SLC26A3: variants seen among roughly 807,000 people sequenced by gnomAD.
SLC26A3 encodes the protein chloride anion exchanger.
In SLC26A3, 64 loss-of-function variants were observed where a neutral mutation model predicts 85.6. That is an observed-to-expected ratio of 0.75 (90% CI 0.61 to 0.92). The LOEUF (loss-of-function observed/expected upper bound fraction) is 0.92, where lower values mean the gene tolerates loss of function less well. Ranked by LOEUF, SLC26A3 falls within the 40% of genes least tolerant of loss-of-function variation. SLC26A3 has a pLI of 0.00. For missense variants in SLC26A3, 922 were observed against 927.3 expected, an observed-to-expected ratio of 0.99 and a Z score of 0.07; for synonymous variants, 349 against 336.0, an observed-to-expected ratio of 1.04 and a Z score of -0.42.
intron 15 of SLC26A3, 72 bp from the exon 16 acceptor site, chr7:107,774,944 T>G: frequency 1.8e-6 from 2 of 1,127,458 alleles, no homozygotes; most frequent in South Asian, 1.2e-5. Context: ...TCTAACAACT[T>G]TAACTGGAGT....
chr7:107,792,355 C>A (rs1460765158), intron 3 of SLC26A3, among the ~76,000 whole-genome samples: 1 of 151,646 alleles, frequency 6.6e-6, no homozygotes, highest in African/African-American at 2.4e-5. Context: ...TACAATTCAC[C>A]ATAATGTAGA....
intron 8 of SLC26A3, 22 bp downstream of exon 8, chr7:107,786,805 C>T: frequency 6.3e-7 from 1 of 1,592,948 alleles, no homozygotes; most frequent in Non-Finnish European, 8.6e-7. Context: ...CATGGTGATG[C>T]CATCATCGAA....
intron 11 of SLC26A3, among the ~76,000 whole-genome samples, chr7:107,782,075 C>T (rs1419540253): frequency 6.6e-6 from 1 of 152,072 alleles, no homozygotes; most frequent in Non-Finnish European, 1.5e-5. Flanking sequence ...CCCAAAATCA[C>T]ACAGATAATA....
chr7:107,781,313 C>T (rs192451257), intron 11 of SLC26A3, among the ~76,000 whole-genome samples: 2 of 152,196 alleles, frequency 1.3e-5, no homozygotes, highest in East Asian at 3.9e-4. Context: ...GTTATTTTGC[C>T]TTCATATGAT....
chr7:107,793,944 G>C, intron 2 of SLC26A3, 63 bp from the exon 3 acceptor site: 1 of 1,606,744 alleles, frequency 6.2e-7, no homozygotes, highest in Non-Finnish European at 8.5e-7. Context: ...AGTACCTGTC[G>C]GTGGGAAATT....
At chr7:107,787,279 C>T (rs1794313204) in intron 7 of SLC26A3, 78 bp downstream of exon 7, 1 of 1,517,948 alleles carries the variant, frequency 6.6e-7, no homozygotes, top group East Asian at 2.3e-5. Flanking sequence ...CTAAAACTTC[C>T]TGAGCTACAA....
chr7:107,801,411 A>C (rs6975731), intron 1 of SLC26A3, among the ~76,000 whole-genome samples: 8,463 of 152,166 alleles, frequency 0.056, 291 homozygotes, highest in Middle Eastern at 0.099. Context: ...AACACAAAAC[A>C]TGAGCCTGGT....
intron 1 of SLC26A3, among the ~76,000 whole-genome samples, chr7:107,800,105 C>T (rs1417841234): frequency 1.3e-5 from 2 of 152,202 alleles, no homozygotes; most frequent in Non-Finnish European, 1.5e-5. Context: ...AGGTTCCTAA[C>T]ACGCTATGAT....
At chr7:107,790,545 G>A (rs759622664) in intron 5 of SLC26A3, among the ~76,000 whole-genome samples, 5 of 152,148 alleles carry the variant, frequency 3.3e-5, no homozygotes, top group Non-Finnish European at 4.4e-5. Flanking sequence ...GTCAGCATAC[G>A]GCTTGGAAGT....
At chr7:107,781,238 C>G (rs559703793) in intron 11 of SLC26A3, among the ~76,000 whole-genome samples, 1 of 152,098 alleles carries the variant, frequency 6.6e-6, no homozygotes, top group Non-Finnish European at 1.5e-5. Context: ...GAAGAGAAAA[C>G]GCTTAGAGCT....
At chr7:107,786,743 TG>T in intron 8 of SLC26A3, 83 bp downstream of exon 8, 1 of 1,135,594 alleles carries the variant, frequency 8.8e-7, no homozygotes, top group Non-Finnish European at 1.3e-6. Flanking sequence ...CAGGCTGAAC[TG>T]CAGTTCGGAT....
rs200724013 is a variant in SLC26A3, at chr7:107,782,810, G to A, written c.1298C>T (p.Ala433Val). 1.4e-5 allele frequency: 22 copies of A among 1,613,918 alleles called. No individual in the cohort carries two copies. The highest frequency in any genetic ancestry group is 8.8e-5 in the South Asian group (8 of 91,078). Residue 433 changes from alanine (A) to valine (V), a missense_variant, in exon 11 of 21, where the codon GCG becomes GTG. Physicochemically the swap from Ala to Val is moderately conservative, Grantham distance 64. Coordinates refer to ENST00000340010, the MANE Select transcript of SLC26A3 (RefSeq NM_000111.3). ...AGACAGTGTTACCTTTTGTAGAGGC[G>A]CCAGGAGAAATCCAATGGCTAGAAC... ...IVVLAIGFLL[A>V]PLQKSVLAAL...
chr7:107,772,253 T>A, intron 17 of SLC26A3, 145 bp from the exon 18 acceptor site: 1 of 636,970 alleles, frequency 1.6e-6, no homozygotes, highest in Non-Finnish European at 2.8e-6. Flanking sequence ...TGTCAGAAGA[T>A]ACTAAAGTTA....
intron 1 of SLC26A3, among the ~76,000 whole-genome samples, chr7:107,799,449 G>A (rs897861179): frequency 5.9e-5 from 9 of 152,028 alleles, no homozygotes; most frequent in South Asian, 2.1e-4. Flanking sequence ...GGAGTGCAGT[G>A]GCGCGATTTC....
At chr7:107,794,255 C>T (rs1198689099) in intron 2 of SLC26A3, 124 bp downstream of exon 2, 1 of 1,149,256 alleles carries the variant, frequency 8.7e-7, no homozygotes, top group African/African-American at 1.5e-5. Context: ...GGTTTGGAAA[C>T]TAAAGAGGAA....
chr7:107,795,499 C>T lies in SLC26A3; in HGVS notation c.-88-902G>A, dbSNP rs572066141. ...CCTTCACAATTCTTTGAGGCAGTTA[C>T]CCTTATTATTTTATTATTATTATTT... On this transcript the variant is annotated intron_variant, in intron 1 of 20. Transcript: ENST00000340010. 2.0e-4 allele frequency among the ~76,000 whole-genome samples: 30 copies of T among 152,196 alleles called. No homozygotes were observed. The South Asian group carries it at 3.5e-3, about 18-fold the overall frequency.
In SLC26A3 at chr7:107,793,825, C is replaced by A. The variant is rs539000195; in HGVS notation, c.188G>T (p.Trp63Leu). Residue 63 changes from tryptophan (W) to leucine (L), a missense_variant, in exon 3 of 21, where the codon TGG (tryptophan) becomes TTG (leucine). Coordinates refer to ENST00000340010, the MANE Select transcript of SLC26A3 (RefSeq NM_000111.3). ...IVLSLFPIAS[W>L]LPAYRLKEWL... ...TTCTTTAAGCCGGTATGCTGGCAAC[C>A]AAGATGCTATGGGGAACAAAGAGAG... is the stretch of plus-strand genomic sequence containing the variant. The A allele has an allele frequency of 3.7e-6, 6 of 1,614,054 alleles. No homozygotes were observed. The highest frequency in any genetic ancestry group is 5.1e-6 in the Non-Finnish European group (6 of 1,179,966).
intron 11 of SLC26A3, among the ~76,000 whole-genome samples, chr7:107,781,880 G>A (rs1037062468): frequency 6.6e-6 from 1 of 152,064 alleles, no homozygotes; most frequent in African/African-American, 2.4e-5. Flanking sequence ...ATACAATGTA[G>A]AATAATAATA....
chr7:107,768,440 A>C (rs1046093380), intron 18 of SLC26A3, among the ~76,000 whole-genome samples: 1 of 152,228 alleles, frequency 6.6e-6, no homozygotes, highest in Non-Finnish European at 1.5e-5. Context: ...ATTCATTTAC[A>C]TAGATGACTC....
Sources: allele counts gnomAD v4.1 joint callset (sites outside exome capture counted in the v4.1 genomes callset), GRCh38; gene constraint gnomAD v4.1.1; transcripts MANE v1.5; gene names NCBI Gene and HGNC (gene_info 2026-07-23, HGNC 2026-07-21).